ZNF333: variants seen among roughly 807,000 people sequenced by gnomAD.
ZNF333 encodes the protein zinc finger protein 333.
A neutral mutation model predicts 76.1 loss-of-function variants in ZNF333; 61 were observed. The ratio of observed to expected loss-of-function variants is 0.80; its 90% CI spans 0.65 to 0.99. ZNF333 has a LOEUF of 0.99. Ranked by LOEUF, ZNF333 falls within the 50% of genes least tolerant of loss-of-function variation. The pLI, the probability that ZNF333 is intolerant of heterozygous loss-of-function variation, is 0.00. For missense variants in ZNF333, 717 were observed against 822.4 expected (o/e 0.87, Z 1.57); for synonymous variants, 284 against 305.0 (o/e 0.93, Z 0.72).
At chr19:14,716,350 C>G (rs912566292) in intron 9 of ZNF333, 112 bp downstream of exon 9, 10 of 1,301,646 alleles carry the variant, frequency 7.7e-6, no homozygotes, top group African/African-American at 1.5e-5. Context: ...CCTCCGCTTC[C>G]TGGGCTCAGG....
intron 1 of ZNF333, among the ~76,000 whole-genome samples, chr19:14,690,469 G>A (rs1053936064): frequency 3.3e-5 from 5 of 152,184 alleles, no homozygotes; most frequent in Admixed American, 3.3e-4. Context: ...CAATTTTTAG[G>A]GAAAGTGCAT....
At chr19:14,705,376 C>T (rs1297304308) in intron 6 of ZNF333, among the ~76,000 whole-genome samples, 1 of 152,122 alleles carries the variant, frequency 6.6e-6, no homozygotes, top group Admixed American at 6.5e-5. Flanking sequence ...AGGGCGGGTC[C>T]TGGGGGAGGG....
At position 14,717,066 on chromosome 19, in the gene ZNF333, G is replaced by A; in HGVS notation, c.800G>A (p.Gly267Asp). 1.9e-6 allele frequency: 3 copies of A among 1,609,124 alleles called. No individual in the cohort carries two copies. In the Admixed American group the frequency reaches 5.0e-5, roughly 27 times the overall value. ...GGAGAGCAGTGGACCACTGACAGGGGCGTCCTCTCAGACACCTGTGCAGGT... is the reference window on the plus strand; with the variant it reads ...GGAGAGCAGTGGACCACTGACAGGGACGTCCTCTCAGACACCTGTGCAGGT... Reference protein sequence around the residue: ...ERGEQWTTDRGVLSDTCAEPQ... With the variant: ...ERGEQWTTDRDVLSDTCAEPQ... Residue 267 changes from glycine to aspartate, a missense_variant, in exon 10 of 12, where the codon GGC (glycine) becomes GAC (aspartate). Transcript: ENST00000292530.
At chr19:14,708,038 C>T (rs933518314) in intron 7 of ZNF333, 4 of 397,446 alleles carry the variant, frequency 1.0e-5, no homozygotes, top group African/African-American at 6.2e-5. Context: ...GACAGCATCT[C>T]GCTCTGTCAC....
chr19:14,719,350 A>G lies in ZNF333; in HGVS notation c.*25A>G. The stretch of plus-strand genomic sequence containing the variant: ...ACTTCCATTTTGTAAAAATATAAAC[A>G]CATGGGGCTATGACTTTCCCTCGTA... On this transcript the variant is annotated 3_prime_UTR_variant, in exon 12 of 12. Coordinates refer to ENST00000292530, the MANE Select transcript of ZNF333 (RefSeq NM_032433.4). The G allele has an allele frequency of 6.4e-7, 1 of 1,570,670 alleles. No homozygotes were observed. The highest frequency in any genetic ancestry group is 8.6e-7 in the Non-Finnish European group (1 of 1,159,934).
Position 14,719,231 on chromosome 19 carries a change from T to C in ZNF333, c.1904T>C (p.Val635Ala). 6.2e-7 allele frequency: 1 copy of C among 1,614,230 alleles called. No homozygotes were observed. The highest frequency in any genetic ancestry group is 8.5e-7 in the Non-Finnish European group (1 of 1,180,040). Residue 635 changes from valine (V) to alanine (A), a missense_variant, in exon 12 of 12, where the codon GTA becomes GCA. Physicochemically the swap from Val to Ala is moderately conservative, Grantham distance 64 (BLOSUM62 0). Coordinates refer to ENST00000292530, the MANE Select transcript of ZNF333 (RefSeq NM_032433.4). ...TTCAGGCACAGCTCCTCACTCACTG[T>C]ACACAAAAGAACCCATGTGGGAAGA... ...KAFRHSSSLT[V>A]HKRTHVGRET... is the part of the protein sequence containing the mutation.
In ZNF333 at chr19:14,715,375, C is replaced by T; in HGVS notation, c.512-7C>T. On this transcript the variant is annotated splice_region_variant and splice_polypyrimidine_tract_variant and intron_variant, in intron 7 of 11. Transcript: ENST00000292530. ...CCAACCCTCATGCCTCTTCCCTTCT[C>T]CCCTAGCTGTGCCTGCACGTGACCC... 1 of 1,613,528 alleles carries T rather than the reference C, an allele frequency of 6.2e-7. No individual in the cohort carries two copies. The highest frequency in any genetic ancestry group is 1.3e-5 in the African/African-American group (1 of 75,022).
At chr19:14,728,105 C>G (rs2524360) in intron 11 of ZNF333, among the ~76,000 whole-genome samples, 2 of 151,738 alleles carry the variant, frequency 1.3e-5, no homozygotes, top group Non-Finnish European at 2.9e-5. Context: ...CCCAACTACT[C>G]GGGAGGCTGA....
At chr19:14,694,548 G>A (rs1331858474) in intron 2 of ZNF333, among the ~76,000 whole-genome samples, 2 of 152,058 alleles carry the variant, frequency 1.3e-5, no homozygotes, top group Non-Finnish European at 2.9e-5. Context: ...AATTAAGGAC[G>A]TAAGTCTTGG....
At chr19:14,691,054 CTG>C (rs1342510109) in intron 1 of ZNF333, among the ~76,000 whole-genome samples, 1 of 152,206 alleles carries the variant, frequency 6.6e-6, no homozygotes, top group African/African-American at 2.4e-5. Context: ...GATTGTGCCA[CTG>C]CACTCCAGCC....
At chr19:14,692,941 G>A (rs1415153532) in intron 1 of ZNF333, among the ~76,000 whole-genome samples, 2 of 147,764 alleles carry the variant, frequency 1.4e-5, no homozygotes, top group African/African-American at 5.0e-5. Context: ...TACTGCCTCA[G>A]CCTCCCTCCC....
intron 4 of ZNF333, among the ~76,000 whole-genome samples, chr19:14,698,435 C>G (rs1399426321): frequency 1.3e-5 from 2 of 149,014 alleles, no homozygotes; most frequent in Non-Finnish European, 3.0e-5. Flanking sequence ...ATCCCAGCTA[C>G]TTGGGAGGCT....
intron 5 of ZNF333, among the ~76,000 whole-genome samples, chr19:14,703,010 C>T (rs1376159552): frequency 6.6e-6 from 1 of 151,602 alleles, no homozygotes; most frequent in Non-Finnish European, 1.5e-5. Context: ...CGAGACCATC[C>T]TGGCTAACAT....
At chr19:14,718,138 A>C (rs1015293866) in intron 11 of ZNF333, 90 bp from the exon 12 acceptor site, 4 of 1,496,396 alleles carry the variant, frequency 2.7e-6, no homozygotes, top group Admixed American at 4.6e-5. Flanking sequence ...CAGATATAGA[A>C]CTGTCTTTTT....
intron 6 of ZNF333, among the ~76,000 whole-genome samples, chr19:14,705,725 G>C (rs996502760): frequency 6.6e-6 from 1 of 152,198 alleles, no homozygotes; most frequent in Non-Finnish European, 1.5e-5. Flanking sequence ...CCTGAGCTCC[G>C]CCTCCTGTCG....
At chr19:14,698,841 AAAAAAACAAAAAAC>A (rs58913952) in intron 4 of ZNF333, among the ~76,000 whole-genome samples, 4 of 145,032 alleles carry the variant, frequency 2.8e-5, no homozygotes, top group Admixed American at 1.4e-4. Flanking sequence ...CTCTGTCTCA[AAAAAAACAAAAAAC>A]AAAAAACAAA....
chr19:14,722,051 T>C (rs1568563720), downstream of ZNF333: 1 of 152,246 alleles, frequency 6.6e-6, no homozygotes, highest in Non-Finnish European at 1.5e-5. Context: ...TGTACATCAA[T>C]GAATGAAAGT....
Position 14,719,850 on chromosome 19 carries a change from C to A in ZNF333, c.*525C>A. The A allele has an allele frequency of 1.0e-6, 1 of 986,590 alleles. No individual in the cohort carries two copies. Among genetic ancestry groups the A allele is most frequent in the Non-Finnish European group, 1.2e-6 (1 of 830,916 alleles). 61.1% of individuals were successfully genotyped at this position (986,590 alleles called of 1,614,324 possible). ...TACCCCTTCCTCCTTAGAAAAGAAC[C>A]TGGGTTTTCTGTTCAGATTGGCAGT... On this transcript the variant is annotated 3_prime_UTR_variant, in exon 12 of 12. Coordinates refer to ENST00000292530, the MANE Select transcript of ZNF333 (RefSeq NM_032433.4).
intron 6 of ZNF333, 64 bp downstream of exon 6, chr19:14,705,234 T>C: frequency 6.8e-7 from 1 of 1,476,018 alleles, no homozygotes; most frequent in Non-Finnish European, 9.3e-7. Context: ...GGGGTGTGGG[T>C]TGTCTGTAAA....
Sources: gnomAD v4.1 joint callset for allele counts (sites outside exome capture counted in the v4.1 genomes callset) on GRCh38, gnomAD v4.1.1 for gene constraint, MANE v1.5 for transcripts, NCBI Gene and HGNC (gene_info 2026-07-23, HGNC 2026-07-21) for gene names.